EPB41L3: variants seen among roughly 807,000 people sequenced by gnomAD.
The protein encoded by EPB41L3 is erythrocyte membrane protein band 4.1 like 3.
Under a neutral mutation model 127.1 loss-of-function variants are expected in EPB41L3, and 57 were observed. The ratio of observed to expected loss-of-function variants is 0.45; its 90% CI spans 0.36 to 0.56. EPB41L3 has a LOEUF of 0.56. Among genes scored for constraint, EPB41L3 ranks in the 20% least tolerant of loss-of-function variants. The pLI, the probability that EPB41L3 is intolerant of heterozygous loss-of-function variation, is 0.00. For synonymous variants in EPB41L3, 572 were observed against 549.5 expected (o/e 1.04, Z -0.57); for missense variants, 1,273 against 1,372.2 (o/e 0.93, Z 1.14).
In EPB41L3 at chr18:5,396,415, A is replaced by G. The variant is rs924902279; in HGVS notation, c.2842-83T>C. 1.0e-5 allele frequency: 16 copies of G among 1,532,400 alleles called. No homozygotes were observed. The African/African-American group carries it at 1.8e-4, about 17-fold the overall frequency. 94.9% of individuals were successfully genotyped at this position (1,532,400 alleles called of 1,614,324 possible). A position where few individuals can be genotyped will look rare whatever the true frequency, so the allele number is the denominator to read the frequency against. On this transcript the variant is annotated intron_variant, in intron 18 of 22. Transcript: ENST00000341928. Reference sequence around the variant, plus strand: ...TCTTCCTTTTCCTCTCTTGGTGGTTATAAGCACAGGTTAGTATGCTATAAA... The same window carrying G: ...TCTTCCTTTTCCTCTCTTGGTGGTTGTAAGCACAGGTTAGTATGCTATAAA...
intron 7 of EPB41L3, 133 bp downstream of exon 7, chr18:5,433,770 A>T: frequency 9.6e-7 from 1 of 1,036,886 alleles, no homozygotes; most frequent in South Asian, 1.5e-5. Flanking sequence ...TCAGAATTTT[A>T]CTGTGCATGG....
intron 8 of EPB41L3, among the ~76,000 whole-genome samples, chr18:5,430,517 T>C (rs1043509591): frequency 6.6e-6 from 1 of 152,178 alleles, no homozygotes; most frequent in Non-Finnish European, 1.5e-5. Context: ...ATCTCAAATT[T>C]TCTGCCACAG....
chr18:5,535,810 G>A (rs997314172), intron 1 of EPB41L3, among the ~76,000 whole-genome samples: 4 of 152,198 alleles, frequency 2.6e-5, no homozygotes, highest in East Asian at 1.9e-4. Context: ...CATCCCTGAC[G>A]AGGTGGCATA....
At chr18:5,508,542 T>C (rs2092343694) in intron 1 of EPB41L3, among the ~76,000 whole-genome samples, 1 of 151,882 alleles carries the variant, frequency 6.6e-6, no homozygotes, top group Non-Finnish European at 1.5e-5. Context: ...CCGAGGTGGG[T>C]GGATCACAAG....
intron 3 of EPB41L3, among the ~76,000 whole-genome samples, chr18:5,560,431 T>C (rs1305809575): frequency 6.6e-6 from 1 of 152,224 alleles, no homozygotes; most frequent in African/African-American, 2.4e-5. Context: ...ATTTTGGCAG[T>C]ACAATCAGCT....
chr18:5,414,143 A>C (rs1470322593), intron 13 of EPB41L3, among the ~76,000 whole-genome samples: 1 of 152,246 alleles, frequency 6.6e-6, no homozygotes, highest in Non-Finnish European at 1.5e-5. Flanking sequence ...GAAATCAGCT[A>C]ATAAATAATA....
At chr18:5,541,380 A>G (rs992128863) in intron 1 of EPB41L3, among the ~76,000 whole-genome samples, 3 of 151,968 alleles carry the variant, frequency 2.0e-5, no homozygotes, top group African/African-American at 7.3e-5. Flanking sequence ...CATGAATTCT[A>G]ATTTGTGAAT....
chr18:5,495,706 GAATA>G (rs1169438403), intron 1 of EPB41L3, among the ~76,000 whole-genome samples: 1 of 152,156 alleles, frequency 6.6e-6, no homozygotes, highest in African/African-American at 2.4e-5. Flanking sequence ...GGGAAATCAG[GAATA>G]AATAAGAGCG....
intron 4 of EPB41L3, 131 bp from the exon 5 acceptor site, chr18:5,444,011 C>G (rs2081143439): frequency 1.4e-6 from 1 of 713,032 alleles, no homozygotes; most frequent in Admixed American, 2.7e-5. Flanking sequence ...TACTGTGGTC[C>G]TTCCCCCACA....
chr18:5,520,232 G>A (rs1413161881), intron 1 of EPB41L3, among the ~76,000 whole-genome samples: 3 of 152,164 alleles, frequency 2.0e-5, no homozygotes, highest in Non-Finnish European at 4.4e-5. Flanking sequence ...GAGTCATAGT[G>A]TATTAATCTA....
At chr18:5,567,944 T>G (rs2094228898) in intron 3 of EPB41L3, among the ~76,000 whole-genome samples, 1 of 152,174 alleles carries the variant, frequency 6.6e-6, no homozygotes, top group African/African-American at 2.4e-5. Flanking sequence ...AAATTAAATT[T>G]AAATTTATAT....
intron 3 of EPB41L3, among the ~76,000 whole-genome samples, chr18:5,575,489 C>A (rs1036562607): frequency 2.6e-5 from 4 of 152,096 alleles, no homozygotes; most frequent in Non-Finnish European, 5.9e-5. Context: ...CACCCCTGCA[C>A]CCTCTTCGAC....
intron 3 of EPB41L3, among the ~76,000 whole-genome samples, chr18:5,452,001 G>A (rs2082336592): frequency 1.3e-5 from 2 of 152,114 alleles, no homozygotes; most frequent in Non-Finnish European, 1.5e-5. Flanking sequence ...ACCACGTCTA[G>A]CTAATTTTTG....
intron 2 of EPB41L3, chr18:5,614,312 T>G (rs1411781921): frequency 6.6e-6 from 1 of 152,208 alleles, no homozygotes; most frequent in Non-Finnish European, 1.5e-5. Context: ...ATGAATAACT[T>G]CCCTTACATG....
chr18:5,460,415 T>C (rs2083789329), intron 3 of EPB41L3, among the ~76,000 whole-genome samples: 1 of 152,180 alleles, frequency 6.6e-6, no homozygotes, highest in African/African-American at 2.4e-5. Flanking sequence ...TATTCTCCAG[T>C]TTTATCCATA....
chr18:5,595,660 C>T (rs1213295991), intron 3 of EPB41L3, among the ~76,000 whole-genome samples: 1 of 152,104 alleles, frequency 6.6e-6, no homozygotes, highest in Non-Finnish European at 1.5e-5. Flanking sequence ...CAAACAGTGC[C>T]TTCCCCATCA....
In EPB41L3 at chr18:5,415,811, TAC is replaced by T; in HGVS notation, c.2067+5_2067+6del. The T allele has an allele frequency of 6.2e-7, 1 of 1,610,336 alleles. No homozygotes were observed. The highest frequency in any genetic ancestry group is 8.5e-7 in the Non-Finnish European group (1 of 1,179,074). On this transcript the variant is annotated splice_donor_5th_base_variant and intron_variant, in intron 13 of 22. Coordinates refer to ENST00000341928, the MANE Select transcript of EPB41L3 (RefSeq NM_012307.5). ...AGGGGAAGCGTGTTCTATGCCGAGG[TAC>T]ACACCTCTTCCTCTGAACTGTCACT...
intron 1 of EPB41L3, among the ~76,000 whole-genome samples, chr18:5,526,695 T>C (rs572512824): frequency 6.6e-6 from 1 of 152,310 alleles, no homozygotes; most frequent in African/African-American, 2.4e-5. Flanking sequence ...AAGCCAGCAA[T>C]GGAAGCTTTC....
chr18:5,468,219 C>T (rs2085369980), intron 3 of EPB41L3, among the ~76,000 whole-genome samples: 1 of 152,070 alleles, frequency 6.6e-6, no homozygotes, highest in Non-Finnish European at 1.5e-5. Context: ...CTGCAGGTGC[C>T]CCTCAGCACA....
Sources: gnomAD v4.1 joint callset for allele counts (sites outside exome capture counted in the v4.1 genomes callset) on GRCh38, gnomAD v4.1.1 for gene constraint, MANE v1.5 for transcripts, NCBI Gene and HGNC (gene_info 2026-07-23, HGNC 2026-07-21) for gene names.